COL11A1: variants seen among roughly 807,000 people sequenced by gnomAD.
COL11A1 encodes the protein collagen alpha-1(XI) chain.
A neutral mutation model predicts 265.2 loss-of-function variants in COL11A1; 74 were observed. That is an observed-to-expected ratio of 0.28 (90% CI 0.23 to 0.34). The LOEUF (loss-of-function observed/expected upper bound fraction) is 0.34, where lower values mean the gene tolerates loss of function less well. Ranked by LOEUF, COL11A1 falls within the 10% of genes least tolerant of loss-of-function variation. The probability of loss-of-function intolerance (pLI) is 1.00; values close to 1 mark genes in which losing one functional copy is unlikely to be tolerated. For synonymous variants in COL11A1, 816 were observed against 727.6 expected (o/e 1.12, Z -1.96); for missense variants, 2,165 against 2,263.6 (o/e 0.96, Z 0.88).
intron 1 of COL11A1, among the ~76,000 whole-genome samples, chr1:103,086,609 G>T (rs1047970236): frequency 3.3e-5 from 5 of 152,082 alleles, no homozygotes; most frequent in Middle Eastern, 3.4e-3. Context: ...GTAGAGACGG[G>T]GTTTCACAGT....
chr1:102,882,239 C>T (rs573816824), intron 64 of COL11A1, among the ~76,000 whole-genome samples: 1 of 152,254 alleles, frequency 6.6e-6, no homozygotes, highest in Admixed American at 6.5e-5. Flanking sequence ...CTGAATTACT[C>T]CCTGCTGGTT....
chr1:102,984,007 T>C (rs1663292856), intron 31 of COL11A1, 131 bp downstream of exon 31: 5 of 687,010 alleles, frequency 7.3e-6, no homozygotes, highest in Non-Finnish European at 1.2e-5. Context: ...ACACACTCTA[T>C]GATTTTCCTT....
chr1:102,974,073 C>G (rs1408329947), intron 36 of COL11A1, among the ~76,000 whole-genome samples: 1 of 152,066 alleles, frequency 6.6e-6, no homozygotes, highest in African/African-American at 2.4e-5. Flanking sequence ...TAACAATATC[C>G]CAAGAGCTGT....
intron 9 of COL11A1, 126 bp from the exon 10 acceptor site, chr1:103,018,985 A>T: frequency 1.4e-6 from 1 of 709,768 alleles, no homozygotes; most frequent in Non-Finnish European, 2.4e-6. Context: ...TACCACTTAA[A>T]TTAATTACAA....
Position 103,023,014 on chromosome 1 carries a change from A to G in COL11A1, c.991-18T>C. ...GGATTTGGCTATTAATTTAAATTGCAAGGAATTGAGGAACATGAAGTTTAT... is the reference window on the plus strand; with the variant it reads ...GGATTTGGCTATTAATTTAAATTGCGAGGAATTGAGGAACATGAAGTTTAT... On this transcript the variant is annotated intron_variant, in intron 7 of 66. Coordinates refer to ENST00000370096, the MANE Select transcript of COL11A1 (RefSeq NM_001854.4). 6.2e-7 allele frequency: 1 copy of G among 1,607,848 alleles called. No homozygotes were observed. The highest frequency in any genetic ancestry group is 1.3e-5 in the African/African-American group (1 of 74,892).
chr1:103,004,710 T>C (rs1370428492), intron 18 of COL11A1, 49 bp from the exon 19 acceptor site: 1 of 1,484,842 alleles, frequency 6.7e-7, no homozygotes. Flanking sequence ...AAGTAGAATG[T>C]TTACAAGTCT....
chr1:102,938,148 A>T (rs924704153), intron 44 of COL11A1, among the ~76,000 whole-genome samples: 2 of 152,216 alleles, frequency 1.3e-5, no homozygotes, highest in African/African-American at 4.8e-5. Context: ...GGATTCCATC[A>T]ATTCTAATAA....
At chr1:102,967,892 A>G (rs1468007266) in intron 37 of COL11A1, among the ~76,000 whole-genome samples, 1 of 152,234 alleles carries the variant, frequency 6.6e-6, no homozygotes, top group Non-Finnish European at 1.5e-5. Flanking sequence ...TCAATACTTA[A>G]TTGCAGAAAG....
chr1:103,061,822 G>A (rs530567313), intron 4 of COL11A1, among the ~76,000 whole-genome samples: 6 of 151,868 alleles, frequency 4.0e-5, no homozygotes, highest in African/African-American at 1.4e-4. Flanking sequence ...GAAATAAACA[G>A]AACAAAAGAA....
At chr1:102,928,939 G>T (rs111370255) in intron 46 of COL11A1, among the ~76,000 whole-genome samples, 1 of 38,738 alleles carries the variant, frequency 2.6e-5, no homozygotes, top group African/African-American at 4.0e-5. Context: ...TTTTGATGGG[G>T]TTGTTTTTTT....
chr1:102,982,751 T>G (rs1342099608), intron 31 of COL11A1, among the ~76,000 whole-genome samples: 1 of 152,026 alleles, frequency 6.6e-6, no homozygotes, highest in African/African-American at 2.4e-5. Context: ...CAAAGCTGTA[T>G]AGCAAGCCTA....
intron 40 of COL11A1, 123 bp from the exon 41 acceptor site, chr1:102,962,042 A>C (rs1397288208): frequency 1.0e-6 from 1 of 985,530 alleles, no homozygotes; most frequent in Non-Finnish European, 1.6e-6. Context: ...ACATATATAC[A>C]CATATATGTA....
intron 41 of COL11A1, among the ~76,000 whole-genome samples, chr1:102,948,427 G>A (rs1659537225): frequency 6.6e-6 from 1 of 151,976 alleles, no homozygotes; most frequent in Non-Finnish European, 1.5e-5. Context: ...TTTCTAATGA[G>A]GACATCAATG....
At chr1:102,921,084 A>G (rs1486835936) in intron 48 of COL11A1, among the ~76,000 whole-genome samples, 3 of 152,206 alleles carry the variant, frequency 2.0e-5, no homozygotes, top group Non-Finnish European at 4.4e-5. Flanking sequence ...ATTTTACATG[A>G]TAAAGGGTGC....
At chr1:102,907,245 G>T (rs1654093894) in intron 54 of COL11A1, among the ~76,000 whole-genome samples, 1 of 152,036 alleles carries the variant, frequency 6.6e-6, no homozygotes, top group African/African-American at 2.4e-5. Context: ...GATTAAAATA[G>T]CTCATCATCT....
chr1:103,012,596 G>A (rs1366636694), intron 13 of COL11A1, 127 bp from the exon 14 acceptor site: 1 of 735,000 alleles, frequency 1.4e-6, no homozygotes, highest in Non-Finnish European at 2.4e-6. Flanking sequence ...CTACATGCTA[G>A]AAAGAGTGTC....
intron 37 of COL11A1, among the ~76,000 whole-genome samples, chr1:102,966,206 T>C (rs1661388525): frequency 6.6e-6 from 1 of 152,204 alleles, no homozygotes; most frequent in Non-Finnish European, 1.5e-5. Flanking sequence ...GGCTGTGGGT[T>C]ATTCATTCCA....
intron 49 of COL11A1, among the ~76,000 whole-genome samples, chr1:102,916,729 C>G (rs551300330): frequency 5.9e-5 from 9 of 152,016 alleles, no homozygotes; most frequent in Admixed American, 3.3e-4. Flanking sequence ...ACATCAAGTA[C>G]TTTTCCAGAG....
At chr1:102,915,856 T>G (rs550139385) in intron 49 of COL11A1, among the ~76,000 whole-genome samples, 172 bp from the exon 50 acceptor site, 1 of 152,340 alleles carries the variant, frequency 6.6e-6, no homozygotes, top group South Asian at 2.1e-4. Context: ...ACTCCAGTGC[T>G]TTTATTTCTC....
Sources: gnomAD v4.1 joint callset for allele counts (sites outside exome capture counted in the v4.1 genomes callset) on GRCh38, gnomAD v4.1.1 for gene constraint, MANE v1.5 for transcripts, NCBI Gene and HGNC (gene_info 2026-07-23, HGNC 2026-07-21) for gene names.